The following TNR variants were observed in gnomAD, a reference collection of about 807,000 sequenced individuals.
The protein encoded by TNR is tenascin R.
TNR carries 45 observed loss-of-function variants against 150.4 expected under a neutral mutation model. That is an observed-to-expected ratio of 0.30 (90% confidence interval 0.24 to 0.38). The LOEUF (loss-of-function observed/expected upper bound fraction) is 0.38, where lower values mean the gene tolerates loss of function less well. Among genes scored for constraint, TNR ranks in the 10% least tolerant of loss-of-function variants. The pLI, the probability that TNR is intolerant of heterozygous loss-of-function variation, is 1.00. For synonymous variants in TNR, 687 were observed against 678.4 expected (o/e 1.01, Z -0.20); for missense variants, 1,544 against 1,759.1 (o/e 0.88, Z 2.19).
intron 2 of TNR, among the ~76,000 whole-genome samples, chr1:175,497,861 A>G (rs937069249): frequency 6.6e-6 from 1 of 152,120 alleles, no homozygotes; most frequent in Admixed American, 6.5e-5. Flanking sequence ...GGAGTTTGAG[A>G]CCAGCCTGGC....
intron 1 of TNR, among the ~76,000 whole-genome samples, chr1:175,686,675 T>C (rs865783766): frequency 5.3e-5 from 8 of 152,210 alleles, no homozygotes; most frequent in Non-Finnish European, 1.2e-4. Flanking sequence ...CAGTGTTTAC[T>C]GTTTCCATCT....
At chr1:175,575,607 G>A (rs1361002703) in intron 1 of TNR, among the ~76,000 whole-genome samples, 1 of 152,154 alleles carries the variant, frequency 6.6e-6, no homozygotes, top group African/African-American at 2.4e-5. Flanking sequence ...ACTCAAAGGA[G>A]AGAGAGAGAG....
At chr1:175,622,430 A>C (rs1346305178) in intron 1 of TNR, among the ~76,000 whole-genome samples, 2 of 152,202 alleles carry the variant, frequency 1.3e-5, no homozygotes, top group African/African-American at 4.8e-5. Context: ...TTCATTCCAC[A>C]TCAAGCCCCG....
chr1:175,359,726 C>T lies in TNR; in HGVS notation c.2860G>A (p.Asp954Asn). 2 of 1,610,448 alleles carry T rather than the reference C, an allele frequency of 1.2e-6. No homozygotes were observed. Among genetic ancestry groups the T allele is most frequent in the Non-Finnish European group, 1.7e-6 (2 of 1,178,240 alleles). ...RICTLVHTAM[D>N]NPVDLIATNI... Reference sequence around the variant, plus strand: ...GTAGCAATCAGATCCACAGGGTTGTCCATGGCTGAAACAGAATAGATTATC... The same window carrying T: ...GTAGCAATCAGATCCACAGGGTTGTTCATGGCTGAAACAGAATAGATTATC... Residue 954 changes from aspartate (D) to asparagine (N), a missense_variant, in exon 15 of 23, where the codon GAC (aspartate) becomes AAC (asparagine). Around this residue, in one of 2 missense-constraint regions of TNR, gnomAD observed 1,254 missense variants for 1,329.4 expected, o/e 0.94. Transcript: ENST00000367674.
At chr1:175,349,374 G>A (rs963396722) in intron 18 of TNR, among the ~76,000 whole-genome samples, 1 of 152,188 alleles carries the variant, frequency 6.6e-6, no homozygotes, top group Non-Finnish European at 1.5e-5. Flanking sequence ...GGTAAAATAA[G>A]ATGGGTGCCC....
At chr1:175,359,139 C>CTTTTTCTTTTTTTTT (rs1651468381) in intron 15 of TNR, among the ~76,000 whole-genome samples, 1 of 42,138 alleles carries the variant, frequency 2.4e-5, no homozygotes, top group Non-Finnish European at 4.3e-5. Flanking sequence ...GGGATATCTT[C>CTTTTTCTTTTTTTTT]TTTTTTTTTT....
chr1:175,639,968 A>G (rs557050006), intron 1 of TNR, among the ~76,000 whole-genome samples: 19 of 152,234 alleles, frequency 1.2e-4, no homozygotes, highest in Admixed American at 2.6e-4. Context: ...ATGAGAATGT[A>G]AACTCAGGAA....
At chr1:175,612,601 A>G (rs995264449) in intron 1 of TNR, among the ~76,000 whole-genome samples, 1 of 152,174 alleles carries the variant, frequency 6.6e-6, no homozygotes, top group African/African-American at 2.4e-5. Flanking sequence ...TATTACCCAA[A>G]ACCCCCCACT....
chr1:175,605,212 A>G (rs886907328), intron 1 of TNR, among the ~76,000 whole-genome samples: 1 of 152,234 alleles, frequency 6.6e-6, no homozygotes, highest in Non-Finnish European at 1.5e-5. Flanking sequence ...CTTGGTTTGA[A>G]TTCCAGCTCT....
chr1:175,525,627 C>A (rs534763939), intron 2 of TNR, among the ~76,000 whole-genome samples: 1 of 152,196 alleles, frequency 6.6e-6, no homozygotes, highest in Non-Finnish European at 1.5e-5. Flanking sequence ...CAGCGATGCC[C>A]AAGCCCCGGG....
intron 2 of TNR, among the ~76,000 whole-genome samples, chr1:175,444,666 G>A (rs1052592694): frequency 2.6e-5 from 4 of 152,206 alleles, no homozygotes; most frequent in Non-Finnish European, 5.9e-5. Flanking sequence ...TTTCTGCTGT[G>A]CTGTCTCATG....
In TNR at chr1:175,570,739, G is replaced by T. The variant is rs139228014; in HGVS notation, c.-164-42370C>A. The stretch of plus-strand genomic sequence containing the variant: ...CAAATCTATTCCTTACAGCACAAAT[G>T]ACTCCTTTATAAAAGGAGTCATCAA... On this transcript the variant is annotated intron_variant, in intron 1 of 22. Coordinates refer to ENST00000367674, the MANE Select transcript of TNR (RefSeq NM_003285.3). Among the ~76,000 whole-genome samples, 263 of 151,132 alleles carry T rather than the reference G, an allele frequency of 1.7e-3. 4 individuals are homozygous for T. In the East Asian group the frequency reaches 0.043, roughly 25 times the overall value.
At chr1:175,413,120 G>C (rs1654287134) in intron 2 of TNR, among the ~76,000 whole-genome samples, 1 of 152,134 alleles carries the variant, frequency 6.6e-6, no homozygotes, top group African/African-American at 2.4e-5. Context: ...CCATCTCCCA[G>C]GCTCAAGCAA....
At chr1:175,697,617 T>C (rs974214530) in intron 1 of TNR, among the ~76,000 whole-genome samples, 8 of 152,320 alleles carry the variant, frequency 5.3e-5, no homozygotes, top group East Asian at 3.9e-4. Flanking sequence ...GTCCTGCAAC[T>C]GTCTACCCCT....
At chr1:175,647,529 G>T (rs889940905) in intron 1 of TNR, among the ~76,000 whole-genome samples, 1 of 151,936 alleles carries the variant, frequency 6.6e-6, no homozygotes, top group Non-Finnish European at 1.5e-5. Flanking sequence ...TGGAGGAAAT[G>T]GTTCTGCCTA....
At chr1:175,653,229 T>C (rs1665056237) in intron 1 of TNR, among the ~76,000 whole-genome samples, 1 of 152,224 alleles carries the variant, frequency 6.6e-6, no homozygotes, top group Admixed American at 6.5e-5. Flanking sequence ...TTGTGGCAGC[T>C]GGAAGTTGGA....
rs77870109 is a variant in TNR, at chr1:175,502,688, C to T, written c.-64+25581G>A. On this transcript the variant is annotated intron_variant, in intron 2 of 22. Transcript: ENST00000367674. Reference sequence around the variant, plus strand: ...CGTTTCCAGGAAAACCAGTCTAAAGCAATGAATAAGAGTTAGCACAATAAA... The same window carrying T: ...CGTTTCCAGGAAAACCAGTCTAAAGTAATGAATAAGAGTTAGCACAATAAA... 8.9e-3 allele frequency among the ~76,000 whole-genome samples: 1,352 copies of T among 152,216 alleles called. 19 individuals are homozygous for T. Among genetic ancestry groups the T allele is most frequent in the African/African-American group, 0.031 (1,298 of 41,508 alleles).
intron 20 of TNR, among the ~76,000 whole-genome samples, chr1:175,332,230 G>A (rs1382622750): frequency 2.0e-5 from 3 of 152,182 alleles, no homozygotes; most frequent in African/African-American, 7.2e-5. Flanking sequence ...GACTGATGTG[G>A]AGAGGTTCAA....
At chr1:175,373,821 A>G (rs1310219199) in intron 9 of TNR, among the ~76,000 whole-genome samples, 1 of 152,142 alleles carries the variant, frequency 6.6e-6, no homozygotes, top group African/African-American at 2.4e-5. Context: ...TTTAAGACAA[A>G]TAAGGAATAG....
Sources: allele counts gnomAD v4.1 joint callset (sites outside exome capture counted in the v4.1 genomes callset), GRCh38; gene constraint gnomAD v4.1.1; regional missense constraint gnomAD v4.1.1; transcripts MANE v1.5; gene names NCBI Gene and HGNC (gene_info 2026-07-23, HGNC 2026-07-21).